KCNH5: variants seen among roughly 807,000 people sequenced by gnomAD.
KCNH5 encodes potassium voltage-gated channel subfamily H member 5.
KCNH5 carries 46 observed loss-of-function variants against 96.1 expected under a neutral mutation model. The observed-to-expected ratio is 0.48, with a 90% CI of 0.38 to 0.61. The LOEUF (loss-of-function observed/expected upper bound fraction) is 0.61, where lower values mean the gene tolerates loss of function less well. KCNH5 is among the 20% of genes least tolerant of loss of function. The pLI is 0.00. For missense variants in KCNH5, 907 were observed against 1,225.8 expected, an observed-to-expected ratio of 0.74 and a Z score of 3.88; for synonymous variants, 439 against 449.8, an observed-to-expected ratio of 0.98 and a Z score of 0.30.
rs117204875 is a variant in KCNH5, at chr14:62,737,456, T to C, written c.2020-29001A>G. Among the ~76,000 whole-genome samples, 534 of 152,258 alleles carry C rather than the reference T, an allele frequency of 3.5e-3. 6 individuals carry two copies. The highest frequency in any genetic ancestry group is 0.028 in the East Asian group (144 of 5,166). On this transcript the variant is annotated intron_variant, in intron 10 of 10. Coordinates refer to ENST00000322893, the MANE Select transcript of KCNH5 (RefSeq NM_139318.5). ...CTCACTTACCTGGCATAAGTGGCCT[T>C]AGGTAAGTAGAGTCTCAGTCTGTTT...
intron 2 of KCNH5, among the ~76,000 whole-genome samples, chr14:63,009,470 G>T (rs8006836): frequency 0.28 from 41,097 of 149,356 alleles, 6,458 homozygotes; most frequent in East Asian, 0.57. Context: ...ATCCGAATGC[G>T]GTTTTTAAAA....
At chr14:62,783,922 A>C (rs964459088) in intron 9 of KCNH5, among the ~76,000 whole-genome samples, 6 of 151,076 alleles carry the variant, frequency 4.0e-5, no homozygotes, top group African/African-American at 1.2e-4. Context: ...GTCAATTAAG[A>C]AATCTACTTT....
chr14:62,807,046 G>T (rs534715136), intron 8 of KCNH5, among the ~76,000 whole-genome samples: 1 of 152,190 alleles, frequency 6.6e-6, no homozygotes, highest in East Asian at 1.9e-4. Flanking sequence ...GCAATGGGAA[G>T]GTCTTTCTCT....
chr14:62,800,501 A>T (rs897775517), intron 9 of KCNH5, among the ~76,000 whole-genome samples: 1 of 152,118 alleles, frequency 6.6e-6, no homozygotes, highest in African/African-American at 2.4e-5. Context: ...GAGTTACCCA[A>T]ATGAAGTTGT....
chr14:62,891,712 G>A (rs4426276), intron 7 of KCNH5, among the ~76,000 whole-genome samples: 7 of 152,068 alleles, frequency 4.6e-5, no homozygotes, highest in African/African-American at 1.2e-4. Flanking sequence ...GTCATTTTTC[G>A]AACAGTATGT....
At chr14:62,723,481 A>C (rs1392919912) in intron 10 of KCNH5, among the ~76,000 whole-genome samples, 1 of 152,158 alleles carries the variant, frequency 6.6e-6, no homozygotes, top group Non-Finnish European at 1.5e-5. Context: ...AGTGTTTGTA[A>C]TATTGTGGTA....
intron 9 of KCNH5, among the ~76,000 whole-genome samples, chr14:62,800,129 T>A (rs1050555954): frequency 1.3e-5 from 2 of 151,852 alleles, no homozygotes; most frequent in African/African-American, 4.8e-5. Context: ...GGCTTTTGAA[T>A]GAACTAGTCT....
chr14:62,770,367 A>G (rs934092328), intron 10 of KCNH5, among the ~76,000 whole-genome samples: 4 of 152,232 alleles, frequency 2.6e-5, no homozygotes, highest in Non-Finnish European at 5.9e-5. Flanking sequence ...CTGGAAAGAA[A>G]AGCATTATTG....
chr14:62,855,781 T>A (rs941353204), intron 7 of KCNH5, among the ~76,000 whole-genome samples: 2 of 152,118 alleles, frequency 1.3e-5, no homozygotes, highest in African/African-American at 2.4e-5. Context: ...CACAATGTTA[T>A]CAAAAAGAGA....
chr14:63,019,940 G>T (rs1385994447), intron 1 of KCNH5, among the ~76,000 whole-genome samples: 2 of 152,054 alleles, frequency 1.3e-5, no homozygotes, highest in African/African-American at 4.8e-5. Context: ...ATCTGAGAAA[G>T]AACTCTTATC....
intron 10 of KCNH5, among the ~76,000 whole-genome samples, chr14:62,734,070 C>T (rs535028368): frequency 6.6e-6 from 1 of 152,254 alleles, no homozygotes; most frequent in East Asian, 1.9e-4. Context: ...TAATGATTAT[C>T]CTCATACTGT....
At chr14:62,766,479 C>G (rs1885863559) in intron 10 of KCNH5, among the ~76,000 whole-genome samples, 2 of 152,058 alleles carry the variant, frequency 1.3e-5, no homozygotes, top group Admixed American at 1.3e-4. Flanking sequence ...GTATGCACAC[C>G]TGAGAACTAT....
At chr14:63,022,155 C>T (rs1408972913) in intron 1 of KCNH5, among the ~76,000 whole-genome samples, 1 of 152,174 alleles carries the variant, frequency 6.6e-6, no homozygotes, top group Non-Finnish European at 1.5e-5. Flanking sequence ...CCCACTGTTT[C>T]CTGTCTTAGA....
rs1321433335 is a variant in KCNH5, at chr14:62,702,572, A to G, written c.*4936T>C. On this transcript the variant is annotated 3_prime_UTR_variant, in exon 11 of 11. Coordinates refer to ENST00000322893, the MANE Select transcript of KCNH5 (RefSeq NM_139318.5). ...GGGGTTGCTGCAAGAATTAAATTTG[A>G]TAACCTAAATAAAATGCTTATCATA... The G allele has an allele frequency of 1.3e-5, 2 of 152,028 alleles. No homozygotes were observed. The highest frequency in any genetic ancestry group is 2.4e-5 in the African/African-American group (1 of 41,440). The allele number at this position is 152,028 out of a possible 1,614,324, so 9.4% of individuals were successfully genotyped here.
Position 62,950,504 on chromosome 14 carries a change from C to T in KCNH5, c.998G>A (p.Arg333His), listed in dbSNP as rs1383017734. Residue 333 changes from arginine (R) to histidine (H), a missense_variant, in exon 7 of 11, where the codon CGT (arginine) becomes CAT (histidine). This residue lies in a region of KCNH5 where 370 missense variants were observed against 561.3 expected (regional missense o/e 0.66). Transcript: ENST00000322893. ...LKVVRLLRLGRVARKLDHYLE... is the reference protein window; with the variant it reads ...LKVVRLLRLGHVARKLDHYLE... ...GTAATGGTCCAGTTTCCTAGCCACA[C>T]GGCCCAGTCGTAAGAGACGCACCAC... 1 of 1,608,442 alleles carries T rather than the reference C, an allele frequency of 6.2e-7. No homozygotes were observed. Among genetic ancestry groups the T allele is most frequent in the Non-Finnish European group, 8.5e-7 (1 of 1,179,786 alleles).
At chr14:62,754,976 A>ATCCCAGCACTTTGGGAGGCCGAGGCGGGC (rs1217999963) in intron 10 of KCNH5, among the ~76,000 whole-genome samples, 1 of 92,648 alleles carries the variant, frequency 1.1e-5, no homozygotes, top group Non-Finnish European at 2.6e-5. Flanking sequence ...GAGACAAAGA[A>ATCCCAGCACTTTGGGAGGCCGAGGCGGGC]GGTTTATAAG....
At chr14:62,881,663 T>C (rs1566693386) in intron 7 of KCNH5, among the ~76,000 whole-genome samples, 1 of 152,118 alleles carries the variant, frequency 6.6e-6, no homozygotes, top group African/African-American at 2.4e-5. Flanking sequence ...ATTATCACTA[T>C]GCACATTACT....
chr14:62,760,172 G>C (rs1885716629), intron 10 of KCNH5, among the ~76,000 whole-genome samples: 1 of 152,110 alleles, frequency 6.6e-6, no homozygotes, highest in South Asian at 2.1e-4. Context: ...CTCTACAATG[G>C]CCAACTAGGT....
intron 8 of KCNH5, among the ~76,000 whole-genome samples, chr14:62,845,558 C>CGGCCAGTTA (rs570690166): frequency 5.9e-4 from 90 of 152,218 alleles, no homozygotes; most frequent in African/African-American, 1.9e-3. Context: ...GTGGAAGCAC[C>CGGCCAGTTA]GGCCAGTTAG....
Sources: allele counts gnomAD v4.1 joint callset (sites outside exome capture counted in the v4.1 genomes callset), GRCh38; gene constraint gnomAD v4.1.1; regional missense constraint gnomAD v4.1.1; transcripts MANE v1.5; gene names NCBI Gene and HGNC (gene_info 2026-07-23, HGNC 2026-07-21).